The following GMDS variants were observed in gnomAD, a reference collection of about 807,000 sequenced individuals.
GMDS encodes GDP-mannose 4,6 dehydratase.
Under a neutral mutation model 49.9 loss-of-function variants are expected in GMDS, and 20 were observed. That is an observed-to-expected ratio of 0.40 (90% confidence interval 0.28 to 0.58). The LOEUF (loss-of-function observed/expected upper bound fraction) is 0.58. GMDS is among the 20% of genes least tolerant of loss of function. The probability of loss-of-function intolerance (pLI) is 0.42; values close to 1 mark genes in which losing one functional copy is unlikely to be tolerated. For missense variants in GMDS, 362 were observed against 481.4 expected (o/e 0.75, Z 2.32); for synonymous variants, 177 against 178.6 (o/e 0.99, Z 0.07).
At chr6:1,718,151 CT>C (rs953499311) in intron 9 of GMDS, among the ~76,000 whole-genome samples, 1 of 152,076 alleles carries the variant, frequency 6.6e-6, no homozygotes, top group Non-Finnish European at 1.5e-5. Flanking sequence ...TTTTTCCCCC[CT>C]AGAAATGCTC....
At chr6:1,817,480 C>T (rs532652880) in intron 7 of GMDS, among the ~76,000 whole-genome samples, 3 of 152,122 alleles carry the variant, frequency 2.0e-5, no homozygotes, top group South Asian at 4.2e-4. Flanking sequence ...AGTTTTACTC[C>T]GAGGGTTTGA....
intron 4 of GMDS, among the ~76,000 whole-genome samples, chr6:2,024,336 G>T (rs1233629348): frequency 6.6e-6 from 1 of 152,116 alleles, no homozygotes; most frequent in Non-Finnish European, 1.5e-5. Flanking sequence ...AACTCACAAT[G>T]CAGCAGCAAG....
intron 4 of GMDS, among the ~76,000 whole-genome samples, chr6:2,035,533 T>G (rs1769251564): frequency 6.6e-6 from 1 of 152,008 alleles, no homozygotes; most frequent in African/African-American, 2.4e-5. Context: ...CATTTCTGTA[T>G]CCCCCATCAT....
intron 1 of GMDS, among the ~76,000 whole-genome samples, chr6:2,139,227 A>T (rs1480790095): frequency 6.6e-6 from 1 of 152,052 alleles, no homozygotes; most frequent in Non-Finnish European, 1.5e-5. Flanking sequence ...CAAACATTTC[A>T]ATTTAATTAC....
At chr6:1,831,265 C>T (rs1756629454) in intron 7 of GMDS, among the ~76,000 whole-genome samples, 1 of 152,180 alleles carries the variant, frequency 6.6e-6, no homozygotes, top group Non-Finnish European at 1.5e-5. Flanking sequence ...TGGCTGTGTC[C>T]CATCTGCCAT....
chr6:1,976,489 A>G (rs1830733), intron 4 of GMDS, among the ~76,000 whole-genome samples: 59,840 of 152,064 alleles, frequency 0.39, 11,874 homozygotes, highest in Middle Eastern at 0.45. Flanking sequence ...CAATATGGCA[A>G]AGATCCTCAG....
At chr6:2,055,298 A>G (rs946559490) in intron 4 of GMDS, among the ~76,000 whole-genome samples, 4 of 152,076 alleles carry the variant, frequency 2.6e-5, no homozygotes, top group Admixed American at 2.6e-4. Context: ...GAAGACATAT[A>G]TTTCCCTAAA....
intron 7 of GMDS, among the ~76,000 whole-genome samples, chr6:1,903,780 C>A (rs745783159): frequency 1.3e-5 from 2 of 152,126 alleles, no homozygotes; most frequent in Non-Finnish European, 2.9e-5. Context: ...CTTACGGGCG[C>A]CTCCCTCCCC....
intron 1 of GMDS, among the ~76,000 whole-genome samples, chr6:2,199,740 G>C (rs558651386): frequency 6.6e-6 from 1 of 152,030 alleles, no homozygotes. Flanking sequence ...GAAATTATTA[G>C]TATCTTCCTT....
At chr6:1,752,760 T>A (rs1373166529) in intron 7 of GMDS, among the ~76,000 whole-genome samples, 1 of 152,126 alleles carries the variant, frequency 6.6e-6, no homozygotes, top group Non-Finnish European at 1.5e-5. Context: ...AATTTTCAAC[T>A]CAGAATTCCA....
intron 9 of GMDS, among the ~76,000 whole-genome samples, chr6:1,657,666 C>T (rs1211933512): frequency 1.3e-5 from 2 of 152,076 alleles, no homozygotes; most frequent in African/African-American, 4.8e-5. Flanking sequence ...CTAAGTATTC[C>T]TGTGGGAGCA....
intron 7 of GMDS, among the ~76,000 whole-genome samples, chr6:1,905,913 T>C (rs1284998844): frequency 6.6e-6 from 1 of 151,384 alleles, no homozygotes; most frequent in Non-Finnish European, 1.5e-5. Flanking sequence ...GGAACACGTA[T>C]GCAGGTGTCC....
chr6:1,873,933 ACAAT>A (rs1417948351), intron 7 of GMDS, among the ~76,000 whole-genome samples: 4 of 152,250 alleles, frequency 2.6e-5, no homozygotes, highest in Non-Finnish European at 4.4e-5. Flanking sequence ...TTCACATGAA[ACAAT>A]CAATCGATTG....
intron 6 of GMDS, among the ~76,000 whole-genome samples, chr6:1,955,288 C>A (rs1763568269): frequency 6.6e-6 from 1 of 152,102 alleles, no homozygotes; most frequent in Non-Finnish European, 1.5e-5. Flanking sequence ...CCACTGCAGT[C>A]CATCATTTAC....
intron 4 of GMDS, among the ~76,000 whole-genome samples, chr6:2,042,389 CA>C: frequency 6.6e-6 from 1 of 152,136 alleles, no homozygotes; most frequent in Admixed American, 6.5e-5. Flanking sequence ...CAGTATCTCT[CA>C]AATTCACTTC....
intron 9 of GMDS, among the ~76,000 whole-genome samples, chr6:1,722,994 T>C (rs1322434519): frequency 6.6e-6 from 1 of 152,214 alleles, no homozygotes; most frequent in African/African-American, 2.4e-5. Flanking sequence ...TGTTGCTCAA[T>C]TGAGCTTTAA....
At chr6:1,820,909 C>T (rs772627174) in intron 7 of GMDS, among the ~76,000 whole-genome samples, 4 of 152,218 alleles carry the variant, frequency 2.6e-5, no homozygotes, top group Non-Finnish European at 4.4e-5. Flanking sequence ...TGGTCCTGCA[C>T]GCATGGGCAT....
At position 1,624,067 on chromosome 6, in the gene GMDS, G is replaced by C. The variant is rs1455320347; in HGVS notation, c.*102C>G. The stretch of plus-strand genomic sequence containing the variant: ...CGCAGCGGCAGCAGGGGCCGCAGGG[G>C]ACCCGCAGATTGGCACGCCGCTCCC... On this transcript the variant is annotated 3_prime_UTR_variant, in exon 11 of 11. Coordinates refer to ENST00000380815, the MANE Select transcript of GMDS (RefSeq NM_001500.4). 1.1e-5 allele frequency: 11 copies of C among 1,034,226 alleles called. No individual in the cohort carries two copies. The highest frequency in any genetic ancestry group is 1.6e-5 in the Non-Finnish European group (11 of 693,140). 64.1% of individuals were successfully genotyped at this position (1,034,226 alleles called of 1,614,324 possible).
chr6:2,062,864 G>C (rs965695754), intron 4 of GMDS, among the ~76,000 whole-genome samples: 2 of 152,340 alleles, frequency 1.3e-5, no homozygotes, highest in Middle Eastern at 3.4e-3. Flanking sequence ...TAATGTTTCT[G>C]AGCCTCAGTT....
Sources: gnomAD v4.1 joint callset for allele counts (sites outside exome capture counted in the v4.1 genomes callset) on GRCh38, gnomAD v4.1.1 for gene constraint, MANE v1.5 for transcripts, NCBI Gene and HGNC (gene_info 2026-07-23, HGNC 2026-07-21) for gene names.